FGGY: variants seen among roughly 807,000 people sequenced by gnomAD.
The protein encoded by FGGY is FGGY carbohydrate kinase domain-containing protein.
A neutral mutation model predicts 71.3 loss-of-function variants in FGGY; 72 were observed. The observed-to-expected ratio is 1.01, with a 90% CI of 0.84 to 1.23. The LOEUF is 1.23. Among genes scored for constraint, FGGY ranks in the 50% most tolerant of loss-of-function variants. The pLI is 0.00. For missense variants in FGGY, 668 were observed against 682.3 expected (o/e 0.98, Z 0.23); for synonymous variants, 251 against 250.3 (o/e 1.00, Z -0.02).
rs189279262 is a variant in FGGY, at chr1:59,565,345, C to T, written c.903+11118C>T. Among the ~76,000 whole-genome samples the T allele has an allele frequency of 2.9e-3, 435 of 152,056 alleles. 1 individual carries two copies. Among genetic ancestry groups the T allele is most frequent in the African/African-American group, 9.8e-3 (407 of 41,472 alleles). ...TCTTGCTCAGGCTGGGGTGCAGGTG[C>T]GCCATCTCGGCTCACTGCAAGCTCT... On this transcript the variant is annotated intron_variant, in intron 8 of 15. Transcript: ENST00000303721.
At chr1:59,310,300 A>G (rs1222669740) in intron 1 of FGGY, 1 of 152,218 alleles carries the variant, frequency 6.6e-6, no homozygotes, top group Non-Finnish European at 1.5e-5. Context: ...ATCATTTCAT[A>G]GTTAATTATG....
chr1:59,590,919 G>A (rs2096420401), intron 8 of FGGY, among the ~76,000 whole-genome samples: 1 of 152,158 alleles, frequency 6.6e-6, no homozygotes, highest in East Asian at 1.9e-4. Flanking sequence ...ATTCAACATA[G>A]TGTTGGAAAT....
intron 7 of FGGY, among the ~76,000 whole-genome samples, chr1:59,534,930 G>T (rs1003317002): frequency 6.6e-6 from 1 of 151,206 alleles, no homozygotes; most frequent in Non-Finnish European, 1.5e-5. Context: ...CAACTAACGA[G>T]CAAAATCACC....
At chr1:59,391,673 A>G (rs75317586) in intron 5 of FGGY, among the ~76,000 whole-genome samples, 3,105 of 152,250 alleles carry the variant, frequency 0.02, 111 homozygotes, top group African/African-American at 0.071. Flanking sequence ...TTCCATTTCT[A>G]TAAAGCTTTT....
intron 8 of FGGY, among the ~76,000 whole-genome samples, chr1:59,585,421 A>G (rs2096268321): frequency 6.6e-6 from 1 of 152,254 alleles, no homozygotes; most frequent in African/African-American, 2.4e-5. Context: ...AAATGGGGAA[A>G]GGATTCCCTG....
rs1558108291 is a variant in FGGY at position 59,491,057 on chromosome 1, T to TC, written c.671-21252dup. ...TCCTTTCCTTCCTTCCTTCCTTCCT[T>TC]CCTTCCTTCCTTCCTTCCTTCCTTC... On this transcript the variant is annotated intron_variant, in intron 6 of 15. Coordinates refer to ENST00000303721, the MANE Select transcript of FGGY (RefSeq NM_018291.5). Among the ~76,000 whole-genome samples, 6 of 13,696 alleles carry TC rather than the reference T, an allele frequency of 4.4e-4. 1 individual carries two copies. The highest frequency in any genetic ancestry group is 2.3e-3 in the African/African-American group (5 of 2,196). The allele number at this position is 13,696 out of a possible 152,430, so 9.0% of individuals were successfully genotyped here. A position where few individuals can be genotyped will look rare whatever the true frequency, so the allele number is the denominator to read the frequency against.
At chr1:59,394,394 T>C (rs1466504900) in intron 5 of FGGY, among the ~76,000 whole-genome samples, 4 of 152,172 alleles carry the variant, frequency 2.6e-5, no homozygotes, top group Non-Finnish European at 5.9e-5. Flanking sequence ...GATAGTAGAC[T>C]CGAGGGTGAG....
At chr1:59,334,793 A>G (rs2049151839) in intron 2 of FGGY, among the ~76,000 whole-genome samples, 1 of 152,214 alleles carries the variant, frequency 6.6e-6, no homozygotes, top group Non-Finnish European at 1.5e-5. Context: ...GGTTGTAGTC[A>G]TGTTTTAAGT....
intron 6 of FGGY, among the ~76,000 whole-genome samples, chr1:59,502,864 A>G (rs970950684): frequency 9.9e-5 from 15 of 152,212 alleles, no homozygotes; most frequent in Admixed American, 2.0e-4. Context: ...TTTGGAACAG[A>G]GAAGGAATCA....
intron 8 of FGGY, among the ~76,000 whole-genome samples, chr1:59,568,463 G>C (rs2095915281): frequency 8.3e-6 from 1 of 119,972 alleles, no homozygotes; most frequent in Admixed American, 7.8e-5. Flanking sequence ...GGTCGGGGGG[G>C]CGGGGGGGGG....
Position 59,672,419 on chromosome 1 carries a change from TC to T in FGGY, c.1418-1616del, listed in dbSNP as rs534583348. On this transcript the variant is annotated intron_variant, in intron 13 of 15. Coordinates refer to ENST00000303721, the MANE Select transcript of FGGY (RefSeq NM_018291.5). Reference sequence around the variant, plus strand: ...ACCTGTGTGGTACATCTTATCATCATCCCCATTTTACATTTGGGATGATCCC... The same window carrying T: ...ACCTGTGTGGTACATCTTATCATCATCCCATTTTACATTTGGGATGATCCC... Among the ~76,000 whole-genome samples the T allele has an allele frequency of 1.1e-4, 17 of 152,312 alleles. No individual in the cohort carries two copies. The South Asian group carries it at 3.5e-3, about 32-fold the overall frequency.
At chr1:59,313,507 T>C (rs1306686444) in intron 1 of FGGY, among the ~76,000 whole-genome samples, 1 of 151,942 alleles carries the variant, frequency 6.6e-6, no homozygotes, top group Non-Finnish European at 1.5e-5. Context: ...ATTGCAAAAA[T>C]GTGAAAACAA....
chr1:59,462,576 TC>T (rs1471168552), intron 6 of FGGY, among the ~76,000 whole-genome samples: 1 of 152,064 alleles, frequency 6.6e-6, no homozygotes, highest in Non-Finnish European at 1.5e-5. Flanking sequence ...AGGGCTAATA[TC>T]CAGAATCTAC....
intron 7 of FGGY, among the ~76,000 whole-genome samples, chr1:59,537,304 CT>C (rs1264339989): frequency 6.6e-6 from 1 of 151,994 alleles, no homozygotes; most frequent in African/African-American, 2.4e-5. Context: ...TGTGAAGGAC[CT>C]CTTCAAGGAG....
chr1:59,337,911 A>G (rs565058750), intron 2 of FGGY, among the ~76,000 whole-genome samples: 82 of 152,334 alleles, frequency 5.4e-4, no homozygotes, highest in African/African-American at 1.9e-3. Context: ...TAGAAGTGGT[A>G]AAAGTGAACA....
In FGGY at chr1:59,721,337, G is replaced by GTTTTTTTTTTTTTTTTTTTTTTTT. The variant is rs71046339; in HGVS notation, c.1513-36575_1513-36574insTTTTTTTTTTTTTTTTTTTTTTTT. On this transcript the variant is annotated intron_variant, in intron 14 of 15. Transcript: ENST00000303721. ...AGAGAGTTTTTCTTTTCTTTCCTTT[G>GTTTTTTTTTTTTTTTTTTTTTTTT]TTTTTTTTTTTTTTTTTTTGAGACG... 1.8e-4 allele frequency among the ~76,000 whole-genome samples: 19 copies of GTTTTTTTTTTTTTTTTTTTTTTTT among 105,364 alleles called. 4 individuals are homozygous for GTTTTTTTTTTTTTTTTTTTTTTTT. Among genetic ancestry groups the GTTTTTTTTTTTTTTTTTTTTTTTT allele is most frequent in the East Asian group, 6.4e-4 (2 of 3,122 alleles). 69.1% of individuals were successfully genotyped at this position (105,364 alleles called of 152,430 possible).
intron 5 of FGGY, among the ~76,000 whole-genome samples, chr1:59,425,620 G>T (rs547150895): frequency 3.3e-5 from 5 of 152,164 alleles, no homozygotes; most frequent in Non-Finnish European, 7.3e-5. Context: ...ATAGACATTG[G>T]AGTTAAAGCT....
chr1:59,636,972 G>A (rs1010750684), intron 10 of FGGY, among the ~76,000 whole-genome samples: 1 of 152,114 alleles, frequency 6.6e-6, no homozygotes, highest in Admixed American at 6.5e-5. Context: ...GGACCCCAGT[G>A]GGAAGTAGCA....
rs192357800 is a variant in FGGY, at chr1:59,563,472, A to G, written c.903+9245A>G. Among the ~76,000 whole-genome samples, 59 of 152,300 alleles carry G rather than the reference A, an allele frequency of 3.9e-4. 1 individual carries two copies. In the East Asian group the frequency reaches 9.1e-3, roughly 23 times the overall value. Reference sequence around the variant, plus strand: ...CAAAGAGAATAAAATACCTAGGTATACAACTTACAGGGGATATGAAGGACC... The same window carrying G: ...CAAAGAGAATAAAATACCTAGGTATGCAACTTACAGGGGATATGAAGGACC... On this transcript the variant is annotated intron_variant, in intron 8 of 15. Coordinates refer to ENST00000303721, the MANE Select transcript of FGGY (RefSeq NM_018291.5).
Sources: allele counts gnomAD v4.1 joint callset (sites outside exome capture counted in the v4.1 genomes callset), GRCh38; gene constraint gnomAD v4.1.1; transcripts MANE v1.5; gene names NCBI Gene and HGNC (gene_info 2026-07-23, HGNC 2026-07-21).